LYPLAL1: variants seen among roughly 807,000 people sequenced by gnomAD.
The protein encoded by LYPLAL1 is lysophospholipase-like protein 1.
LYPLAL1 carries 23 observed loss-of-function variants against 19.7 expected under a neutral mutation model. The observed-to-expected ratio is 1.17, with a 90% CI of 0.84 to 1.65. The LOEUF is 1.65. LYPLAL1 is among the 40% of genes most tolerant of loss of function. The pLI, the probability that LYPLAL1 is intolerant of heterozygous loss-of-function variation, is 0.00. For missense variants in LYPLAL1, 355 were observed against 279.4 expected (o/e 1.27, Z -1.93); for synonymous variants, 119 against 96.3 (o/e 1.24, Z -1.38).
At chr1:219,349,003 T>C in the LYPLAL1 span, among the ~76,000 whole-genome samples, 1 of 152,234 alleles carries the variant, frequency 6.6e-6, no homozygotes, top group Non-Finnish European at 1.5e-5. Flanking sequence ...GATTATTTCA[T>C]TTTAGACTGA....
the LYPLAL1 span, among the ~76,000 whole-genome samples, chr1:219,296,644 A>G: frequency 1.3e-5 from 2 of 152,156 alleles, no homozygotes; most frequent in African/African-American, 4.8e-5. Flanking sequence ...CACTTTTTTA[A>G]GGTCTTGCTT....
chr1:219,326,985 A>G, the LYPLAL1 span, among the ~76,000 whole-genome samples: 3 of 152,154 alleles, frequency 2.0e-5, no homozygotes, highest in Non-Finnish European at 2.9e-5. Flanking sequence ...TGTAATCCCA[A>G]CTACTCAGGA....
At chr1:219,371,658 A>T in the LYPLAL1 span, among the ~76,000 whole-genome samples, 3 of 152,212 alleles carry the variant, frequency 2.0e-5, no homozygotes, top group African/African-American at 7.2e-5. Context: ...AGTTTTGGCC[A>T]ATCAAAGGTG....
At chr1:219,256,375 T>C in the LYPLAL1 span, among the ~76,000 whole-genome samples, 27 of 152,032 alleles carry the variant, frequency 1.8e-4, no homozygotes, top group African/African-American at 6.3e-4. Flanking sequence ...ATTTTGAATA[T>C]CTTTACAAAA....
the LYPLAL1 span, among the ~76,000 whole-genome samples, chr1:219,324,924 G>A: frequency 6.6e-6 from 1 of 152,096 alleles, no homozygotes; most frequent in Non-Finnish European, 1.5e-5. Context: ...TTTCAAATAA[G>A]GTGTTTTCAA....
the LYPLAL1 span, among the ~76,000 whole-genome samples, chr1:219,248,967 A>AC: frequency 6.6e-6 from 1 of 151,994 alleles, no homozygotes; most frequent in Non-Finnish European, 1.5e-5. Flanking sequence ...AAAAACATGT[A>AC]CCCCTTCACA....
the LYPLAL1 span, among the ~76,000 whole-genome samples, chr1:219,410,537 CT>C: frequency 6.6e-6 from 1 of 152,266 alleles, no homozygotes; most frequent in Non-Finnish European, 1.5e-5. Flanking sequence ...CCTGCCTGGG[CT>C]CCCACTTGGT....
the LYPLAL1 span, among the ~76,000 whole-genome samples, chr1:219,315,930 T>C: frequency 6.6e-6 from 1 of 152,140 alleles, no homozygotes; most frequent in South Asian, 2.1e-4. Flanking sequence ...GCTAAATATT[T>C]CAAGAAAACT....
chr1:219,239,406 G>A, the LYPLAL1 span, among the ~76,000 whole-genome samples: 131 of 152,330 alleles, frequency 8.6e-4, no homozygotes, highest in African/African-American at 3.1e-3. Context: ...AAATGGATGA[G>A]TAGGTAGCAT....
the LYPLAL1 span, among the ~76,000 whole-genome samples, chr1:219,323,610 CAT>C: frequency 6.6e-6 from 1 of 152,120 alleles, no homozygotes; most frequent in Non-Finnish European, 1.5e-5. Context: ...CCAAATGAAA[CAT>C]GTACCAAAGT....
At chr1:219,220,175 A>G in the LYPLAL1 span, among the ~76,000 whole-genome samples, 4 of 152,142 alleles carry the variant, frequency 2.6e-5, no homozygotes, top group Non-Finnish European at 4.4e-5. Context: ...TAGAGCATTT[A>G]AAAAACATAC....
the LYPLAL1 span, among the ~76,000 whole-genome samples, chr1:219,428,164 C>T: frequency 6.6e-6 from 1 of 152,190 alleles, no homozygotes; most frequent in Non-Finnish European, 1.5e-5. Context: ...GACCTTTACT[C>T]CCCCAAGCAG....
the LYPLAL1 span, among the ~76,000 whole-genome samples, chr1:219,420,104 T>G: frequency 6.6e-6 from 1 of 152,332 alleles, no homozygotes; most frequent in African/African-American, 2.4e-5. Context: ...CCATAGATCT[T>G]GGCAGGAAGA....
the LYPLAL1 span, among the ~76,000 whole-genome samples, chr1:219,395,290 T>C: frequency 9.2e-5 from 14 of 152,222 alleles, no homozygotes; most frequent in Admixed American, 2.6e-4. Flanking sequence ...GGACCTGTTA[T>C]GTTTTTACTT....
the LYPLAL1 span, among the ~76,000 whole-genome samples, chr1:219,249,328 C>T: frequency 6.6e-6 from 1 of 152,022 alleles, no homozygotes; most frequent in Admixed American, 6.6e-5. Context: ...TAATGGCCCT[C>T]TTTCATCACT....
chr1:219,315,076 A>G, the LYPLAL1 span, among the ~76,000 whole-genome samples: 1 of 152,124 alleles, frequency 6.6e-6, no homozygotes, highest in Non-Finnish European at 1.5e-5. Context: ...TACTGTTGGT[A>G]ACATAACCAG....
At chr1:219,185,725 A>G (rs1382494795) in intron 2 of LYPLAL1, among the ~76,000 whole-genome samples, 1 of 151,890 alleles carries the variant, frequency 6.6e-6, no homozygotes, top group Non-Finnish European at 1.5e-5. Context: ...TCACTCACAT[A>G]TATGGCATAA....
rs1300738298 is a variant in LYPLAL1, at chr1:219,193,063, G to T, written c.192-19G>T. The T allele has an allele frequency of 4.0e-6, 6 of 1,516,032 alleles. No homozygotes were observed. The highest frequency in any genetic ancestry group is 5.3e-6 in the Non-Finnish European group (6 of 1,125,888). The allele number at this position is 1,516,032 out of a possible 1,614,324, so 93.9% of individuals were successfully genotyped here. ...CCTTTTCCTTTCTTTTTTTTTGGGGGGGGGCGGTTGTTAAACAGATCATAT... is the reference window on the plus strand; with the variant it reads ...CCTTTTCCTTTCTTTTTTTTTGGGGTGGGGCGGTTGTTAAACAGATCATAT... On this transcript the variant is annotated intron_variant, in intron 2 of 4. Transcript: ENST00000366928.
chr1:219,242,648 A>C, the LYPLAL1 span, among the ~76,000 whole-genome samples: 8 of 152,052 alleles, frequency 5.3e-5, no homozygotes, highest in African/African-American at 1.9e-4. Flanking sequence ...TGTAGTAGCC[A>C]CAAAATTGAC....
Sources: gnomAD v4.1 joint callset for allele counts (sites outside exome capture counted in the v4.1 genomes callset) on GRCh38, gnomAD v4.1.1 for gene constraint, MANE v1.5 for transcripts, NCBI Gene and HGNC (gene_info 2026-07-23, HGNC 2026-07-21) for gene names.